The following GOLGA8O variants were observed in gnomAD, a reference collection of about 807,000 sequenced individuals.
GOLGA8O encodes golgin subfamily A member 8O.
Under a neutral mutation model 29.7 loss-of-function variants are expected in GOLGA8O, and 4 were observed. The ratio of observed to expected loss-of-function variants is 0.13; its 90% CI spans 0.07 to 0.31. GOLGA8O has a LOEUF of 0.31. Ranked by LOEUF, GOLGA8O falls within the 10% of genes least tolerant of loss-of-function variation. GOLGA8O has a pLI of 1.00. For synonymous variants in GOLGA8O, 6 were observed against 78.0 expected, an observed-to-expected ratio of 0.08 and a Z score of 4.87; for missense variants, 32 against 216.5, an observed-to-expected ratio of 0.15 and a Z score of 5.35.
intron 5 of GOLGA8O, 103 bp downstream of exon 5, chr15:32,451,498 C>T: frequency 6.3e-7 from 1 of 1,589,680 alleles, no homozygotes; most frequent in Non-Finnish European, 8.5e-7. Context: ...AGGGGTGAGC[C>T]TTCTTCCCCA....
chr15:32,455,734 AG>A (rs1243314066), upstream of GOLGA8O: 1 of 436,710 alleles, frequency 2.3e-6, no homozygotes, highest in Non-Finnish European at 4.3e-6. Flanking sequence ...TGAAAGGGAA[AG>A]GGGGCGTGGC....
intron 15 of GOLGA8O, 45 bp downstream of exon 15, chr15:32,446,429 A>T (rs1039362456): frequency 6.5e-7 from 1 of 1,545,238 alleles, no homozygotes; most frequent in African/African-American, 1.6e-5. Flanking sequence ...TGGAGGGACC[A>T]CAGAGAAAGG....
At chr15:32,446,283 C>A (rs1201071680) in intron 15 of GOLGA8O, among the ~76,000 whole-genome samples, 191 bp downstream of exon 15, 486 of 132,488 alleles carry the variant, frequency 3.7e-3, no homozygotes, top group African/African-American at 0.013. Flanking sequence ...AGAGGTGGAG[C>A]GCAGCCCCTT....
At chr15:32,458,427 C>T (rs2055204705), upstream of GOLGA8O, among the ~76,000 whole-genome samples, 1 of 101,340 alleles carries the variant, frequency 9.9e-6, no homozygotes, top group African/African-American at 4.5e-5. Context: ...CCCAAGCAAA[C>T]GTATCCACCT....
chr15:32,458,798 T>C, upstream of GOLGA8O, among the ~76,000 whole-genome samples: 1 of 105,614 alleles, frequency 9.5e-6, no homozygotes, highest in Non-Finnish European at 2.0e-5. Flanking sequence ...CAGATGGGTG[T>C]CACCACACCT....
Sources: gnomAD v4.1 joint callset for allele counts (sites outside exome capture counted in the v4.1 genomes callset) on GRCh38, gnomAD v4.1.1 for gene constraint, MANE v1.5 for transcripts, NCBI Gene and HGNC (gene_info 2026-07-23, HGNC 2026-07-21) for gene names.